Variants in RARB observed in about 807,000 individuals in gnomAD.
The protein encoded by RARB is retinoic acid receptor beta, also known as HBV-activated protein.
In RARB, 17 loss-of-function variants were observed where a neutral mutation model predicts 51.9. The ratio of observed to expected loss-of-function variants is 0.33; its 90% CI spans 0.22 to 0.49. The LOEUF (loss-of-function observed/expected upper bound fraction) is 0.49. RARB is among the 20% of genes least tolerant of loss of function. The pLI, the probability that RARB is intolerant of heterozygous loss-of-function variation, is 0.99. For synonymous variants in RARB, 215 were observed against 195.4 expected (o/e 1.10, Z -0.84); for missense variants, 369 against 550.8 (o/e 0.67, Z 3.30).
chr3:25,365,299 G>A (rs1476571412), intron 5 of RARB, among the ~76,000 whole-genome samples: 1 of 149,208 alleles, frequency 6.7e-6, no homozygotes, highest in Admixed American at 6.7e-5. Context: ...TTTTGTGAAG[G>A]TGGGGTTTCA....
intron 2 of RARB, among the ~76,000 whole-genome samples, chr3:24,883,419 T>G (rs1321607455): frequency 6.6e-6 from 1 of 150,854 alleles, no homozygotes; most frequent in Admixed American, 6.7e-5. Flanking sequence ...GGAATATTTT[T>G]AAACTCAAAA....
At chr3:25,345,442 G>A (rs1482443264) in intron 5 of RARB, among the ~76,000 whole-genome samples, 3 of 152,068 alleles carry the variant, frequency 2.0e-5, no homozygotes, top group Non-Finnish European at 4.4e-5. Flanking sequence ...TGAGGTGGGT[G>A]GATCACAAGG....
chr3:25,174,470 T>G (rs1271869735), exon 5 of RARB: 1 of 1,351,996 alleles, frequency 7.4e-7, no homozygotes, highest in African/African-American at 1.5e-5. Flanking sequence ...AGCCACACCC[T>G]ACCCGTTACT....
At chr3:24,958,237 G>A (rs1428252910) in intron 2 of RARB, among the ~76,000 whole-genome samples, 1 of 128,870 alleles carries the variant, frequency 7.8e-6, no homozygotes, top group African/African-American at 2.8e-5. Flanking sequence ...AAGACCTGAA[G>A]CTTCCTGAGC....
At chr3:24,977,095 C>T (rs1355874457) in intron 2 of RARB, among the ~76,000 whole-genome samples, 1 of 151,778 alleles carries the variant, frequency 6.6e-6, no homozygotes, top group Non-Finnish European at 1.5e-5. Context: ...ATTTTTGAGG[C>T]CTCTGTTCTG....
chr3:25,381,697 G>T (rs886260858), intron 5 of RARB, among the ~76,000 whole-genome samples: 4 of 152,278 alleles, frequency 2.6e-5, no homozygotes, highest in South Asian at 2.1e-4. Context: ...AATTCTCAAG[G>T]TTGAGTCCTT....
At chr3:25,053,860 A>T (rs1559448974) in intron 2 of RARB, among the ~76,000 whole-genome samples, 1 of 152,186 alleles carries the variant, frequency 6.6e-6, no homozygotes, top group South Asian at 2.1e-4. Context: ...TCTGACCTCA[A>T]ATGCAGTGGT....
intron 2 of RARB, among the ~76,000 whole-genome samples, chr3:24,899,496 G>T (rs994153491): frequency 6.6e-6 from 1 of 152,162 alleles, no homozygotes; most frequent in African/African-American, 2.4e-5. Flanking sequence ...CTTTGCCATT[G>T]GTGAAAAGCA....
In RARB at chr3:24,907,134, C is replaced by T. The variant is rs76507337; in HGVS notation, c.-380+48382C>T. On this transcript the variant is annotated intron_variant, in intron 2 of 11. Transcript: ENST00000383772. ...ATTATTCTAGGCACTAGAATACTTACGGTAGTTGAAGCCAGGAGAAAAGGG... is the reference window on the plus strand; with the variant it reads ...ATTATTCTAGGCACTAGAATACTTATGGTAGTTGAAGCCAGGAGAAAAGGG... Among the ~76,000 whole-genome samples, 28 of 152,064 alleles carry T rather than the reference C, an allele frequency of 1.8e-4. No homozygotes were observed. In the East Asian group the frequency reaches 4.5e-3, roughly 24 times the overall value.
chr3:25,207,785 G>C (rs1480981908), intron 5 of RARB, among the ~76,000 whole-genome samples: 1 of 152,206 alleles, frequency 6.6e-6, no homozygotes, highest in Non-Finnish European at 1.5e-5. Flanking sequence ...AGACTCTTCA[G>C]AGGGATAGAA....
chr3:24,902,323 G>A (rs551973410), intron 2 of RARB, among the ~76,000 whole-genome samples: 2 of 152,180 alleles, frequency 1.3e-5, no homozygotes, highest in Non-Finnish European at 2.9e-5. Context: ...ATGAGAGCAG[G>A]TCAACCAATG....
intron 2 of RARB, among the ~76,000 whole-genome samples, chr3:25,052,770 A>T (rs1038585387): frequency 6.6e-6 from 1 of 152,174 alleles, no homozygotes; most frequent in Non-Finnish European, 1.5e-5. Context: ...CCCTTACACC[A>T]GAGGTAGTTT....
At chr3:25,226,638 T>C (rs181107857) in intron 5 of RARB, among the ~76,000 whole-genome samples, 1 of 152,298 alleles carries the variant, frequency 6.6e-6, no homozygotes, top group Admixed American at 6.5e-5. Context: ...ACTCAACTTG[T>C]CTTCAAGCAG....
chr3:25,574,909 G>T (rs1381441522), intron 4 of RARB, among the ~76,000 whole-genome samples: 1 of 152,150 alleles, frequency 6.6e-6, no homozygotes, highest in Non-Finnish European at 1.5e-5. Flanking sequence ...TAGAAGGTCA[G>T]TGGGGGCCAC....
intron 2 of RARB, among the ~76,000 whole-genome samples, chr3:24,916,319 T>C (rs1425445355): frequency 6.6e-6 from 1 of 152,122 alleles, no homozygotes; most frequent in Non-Finnish European, 1.5e-5. Flanking sequence ...TACACCTGAT[T>C]TTCTTAAGGC....
At chr3:24,845,310 T>G (rs536493242) in intron 1 of RARB, among the ~76,000 whole-genome samples, 109 of 152,278 alleles carry the variant, frequency 7.2e-4, no homozygotes, top group Non-Finnish European at 1.2e-3. Flanking sequence ...TGACGTGATA[T>G]GTAGAAAGCA....
chr3:25,059,394 A>T (rs533099675), intron 2 of RARB, among the ~76,000 whole-genome samples: 1 of 151,754 alleles, frequency 6.6e-6, no homozygotes, highest in East Asian at 1.9e-4. Context: ...AAAAAACCAT[A>T]CCGATATACA....
chr3:25,386,268 G>GA (rs1559380647), intron 5 of RARB, among the ~76,000 whole-genome samples: 1 of 152,056 alleles, frequency 6.6e-6, no homozygotes, highest in African/African-American at 2.4e-5. Context: ...GAAGGGTGGG[G>GA]AAAGGGAACA....
chr3:25,377,477 T>C (rs1396094553), intron 5 of RARB, among the ~76,000 whole-genome samples: 1 of 152,164 alleles, frequency 6.6e-6, no homozygotes, highest in Non-Finnish European at 1.5e-5. Context: ...CAAATGTTGC[T>C]TTTTTATTTT....
Sources: gnomAD v4.1 joint callset for allele counts (sites outside exome capture counted in the v4.1 genomes callset) on GRCh38, gnomAD v4.1.1 for gene constraint, MANE v1.5 for transcripts, NCBI Gene and HGNC (gene_info 2026-07-23, HGNC 2026-07-21) for gene names.